The following EHD3 variants were observed in gnomAD, a reference collection of about 807,000 sequenced individuals.
EHD3 encodes the protein EH domain containing 3.
EHD3 carries 17 observed loss-of-function variants against 43.0 expected under a neutral mutation model. The ratio of observed to expected loss-of-function variants is 0.40; its 90% CI spans 0.27 to 0.59. EHD3 has a LOEUF of 0.59. Among genes scored for constraint, EHD3 ranks in the 20% least tolerant of loss-of-function variants. The pLI is 0.49. For missense variants in EHD3, 594 were observed against 705.6 expected (o/e 0.84, Z 1.79); for synonymous variants, 313 against 289.5 (o/e 1.08, Z -0.82).
chr2:31,255,783 C>A (rs1572469468), intron 3 of EHD3, among the ~76,000 whole-genome samples: 1 of 152,180 alleles, frequency 6.6e-6, no homozygotes, highest in African/African-American at 2.4e-5. Flanking sequence ...AATTGGATAG[C>A]AGCTTTCCAG....
At position 31,249,488 on chromosome 2, in the gene EHD3, G is replaced by A. The variant is rs767384919; in HGVS notation, c.502+20G>A. ...GCCGGGGTAAGCAACCTGCCTGAGGGGTGTTGGCTGTGGGCTCCATGGTTC... is the reference window on the plus strand; with the variant it reads ...GCCGGGGTAAGCAACCTGCCTGAGGAGTGTTGGCTGTGGGCTCCATGGTTC... On this transcript the variant is annotated intron_variant, in intron 3 of 5. Transcript: ENST00000322054. 2.5e-6 allele frequency: 4 copies of A among 1,611,078 alleles called. No homozygotes were observed. Among genetic ancestry groups the A allele is most frequent in the South Asian group, 1.1e-5 (1 of 90,976 alleles).
chr2:31,263,472 A>T (rs555762660), intron 5 of EHD3, among the ~76,000 whole-genome samples: 124 of 152,252 alleles, frequency 8.1e-4, no homozygotes, highest in Middle Eastern at 3.4e-3. Context: ...TAATGGGAGC[A>T]CCCACCATGC....
chr2:31,264,001 C>A (rs1683898500), intron 5 of EHD3, among the ~76,000 whole-genome samples: 1 of 152,230 alleles, frequency 6.6e-6, no homozygotes, highest in South Asian at 2.1e-4. Context: ...GGCATGCCCA[C>A]CTGCCTGCCT....
intron 5 of EHD3, among the ~76,000 whole-genome samples, 193 bp downstream of exon 5, chr2:31,261,906 G>A (rs1683866814): frequency 6.6e-6 from 1 of 152,210 alleles, no homozygotes; most frequent in African/African-American, 2.4e-5. Flanking sequence ...GTCTGGGCCT[G>A]GGGAGAAACA....
At chr2:31,259,014 C>G (rs1683800898) in intron 3 of EHD3, among the ~76,000 whole-genome samples, 1 of 152,214 alleles carries the variant, frequency 6.6e-6, no homozygotes, top group Non-Finnish European at 1.5e-5. Flanking sequence ...TGCCTGGTCT[C>G]TAGCCTCCCT....
In EHD3 at chr2:31,245,560, T is replaced by A. The variant is rs1327130848; in HGVS notation, c.404+1110T>A. ...ATATATATATATATATATATTTTTT[T>A]TTTTTTTTTTTTTTTGATGAGATGG... On this transcript the variant is annotated intron_variant, in intron 2 of 5. Transcript: ENST00000322054. 3.9e-3 allele frequency among the ~76,000 whole-genome samples: 459 copies of A among 116,356 alleles called. 1 individual carries two copies. The highest frequency in any genetic ancestry group is 0.015 in the African/African-American group (397 of 26,772). The allele number at this position is 116,356 out of a possible 152,430, so 76.3% of individuals were successfully genotyped here. A position where few individuals can be genotyped will look rare whatever the true frequency, so the allele number is the denominator to read the frequency against.
chr2:31,255,026 CTGAT>C (rs1416529035), intron 3 of EHD3, among the ~76,000 whole-genome samples: 1 of 152,222 alleles, frequency 6.6e-6, no homozygotes, highest in Non-Finnish European at 1.5e-5. Context: ...CTGTGTTTGT[CTGAT>C]TGATTTCCTC....
rs916109254 is a variant in EHD3, at chr2:31,267,115, C to CT, written c.*416dup. On this transcript the variant is annotated 3_prime_UTR_variant, in exon 6 of 6. Transcript: ENST00000322054. ...TTTTCATTTAGTAGACAATTCACTT[C>CT]TTTTTCTGTGCTTCCCCTATCTGCT... 2 of 166,258 alleles carry CT rather than the reference C, an allele frequency of 1.2e-5. No individual in the cohort carries two copies. The highest frequency in any genetic ancestry group is 1.2e-4 in the Admixed American group (2 of 16,502). The allele number at this position is 166,258 out of a possible 1,614,324, so 10.3% of individuals were successfully genotyped here.
At chr2:31,241,271 G>C (rs1264249927) in intron 1 of EHD3, among the ~76,000 whole-genome samples, 1 of 152,154 alleles carries the variant, frequency 6.6e-6, no homozygotes, top group African/African-American at 2.4e-5. Flanking sequence ...CTAAAAGGGA[G>C]CTCAACCCTT....
chr2:31,246,173 T>C (rs555043570), intron 2 of EHD3, among the ~76,000 whole-genome samples: 2 of 151,804 alleles, frequency 1.3e-5, no homozygotes, highest in African/African-American at 4.8e-5. Flanking sequence ...TAAGGTGCAG[T>C]GGGGCAGGTG....
At chr2:31,254,277 T>G (rs2148720658) in intron 3 of EHD3, among the ~76,000 whole-genome samples, 1 of 152,218 alleles carries the variant, frequency 6.6e-6, no homozygotes, top group East Asian at 1.9e-4. Flanking sequence ...TCTTTAGGGC[T>G]CAGACCTTGG....
At chr2:31,258,891 G>C (rs944978917) in intron 3 of EHD3, among the ~76,000 whole-genome samples, 7 of 139,404 alleles carry the variant, frequency 5.0e-5, no homozygotes, top group African/African-American at 1.8e-4. Context: ...CCAACCATCT[G>C]GGTTTTAAGA....
chr2:31,234,513 G>A lies in EHD3; in HGVS notation c.-109G>A. The A allele has an allele frequency of 7.7e-7, 1 of 1,305,624 alleles. No individual in the cohort carries two copies. Among genetic ancestry groups the A allele is most frequent in the Non-Finnish European group, 1.1e-6 (1 of 944,536 alleles). 80.9% of individuals were successfully genotyped at this position (1,305,624 alleles called of 1,614,324 possible). The stretch of plus-strand genomic sequence containing the variant: ...TGGTGCGGCTGAGCCCCGCGCTTGG[G>A]TGAGGCGGCGGCGCGGCTCGGAGCC... On this transcript the variant is annotated 5_prime_UTR_variant, in exon 1 of 6. The change creates a new upstream start codon in the 5' untranslated region. Coordinates refer to ENST00000322054, the MANE Select transcript of EHD3 (RefSeq NM_014600.3).
In EHD3 at chr2:31,244,300, G is replaced by A. The variant is rs1683478601; in HGVS notation, c.254G>A (p.Gly85Asp). Residue 85 changes from glycine to aspartate, a missense_variant, in exon 2 of 6, where the codon GGC (glycine) becomes GAC (aspartate). Gly to Asp is a moderately conservative substitution (Grantham distance 94, BLOSUM62 -1). Coordinates refer to ENST00000322054, the MANE Select transcript of EHD3 (RefSeq NM_014600.3). ...TACCTGCTGGAACAGGACTTCCCAG[G>A]CATGAGGATTGGGCCTGAGCCCACC... ...IRYLLEQDFP[G>D]MRIGPEPTTD... 3 of 1,614,006 alleles carry A rather than the reference G, an allele frequency of 1.9e-6. No individual in the cohort carries two copies. Among genetic ancestry groups the A allele is most frequent in the Non-Finnish European group, 2.5e-6 (3 of 1,179,924 alleles).
At chr2:31,243,746 GC>G (rs1425081633) in intron 1 of EHD3, among the ~76,000 whole-genome samples, 3 of 151,948 alleles carry the variant, frequency 2.0e-5, no homozygotes, top group Non-Finnish European at 4.4e-5. Flanking sequence ...GAGCCACCGC[GC>G]CTGGCCAGAG....
chr2:31,261,739 C>A, intron 5 of EHD3, 26 bp downstream of exon 5: 1 of 1,611,350 alleles, frequency 6.2e-7, no homozygotes. Context: ...GTCTCTAAGA[C>A]AAGGGACAGT....
chr2:31,261,024 T>C (rs13028669), intron 4 of EHD3, 102 bp downstream of exon 4: 904,170 of 1,339,270 alleles, frequency 0.68, 306,949 homozygotes, highest in East Asian at 0.8. Context: ...CAGTGCATCA[T>C]GTGTGTGACA....
chr2:31,238,548 CGGCTGCCCTCTCCAACACA>C (rs1683362808), intron 1 of EHD3, among the ~76,000 whole-genome samples: 1 of 152,230 alleles, frequency 6.6e-6, no homozygotes, highest in Admixed American at 6.5e-5. Flanking sequence ...ATTGGCTTGG[CGGCTGCCCTCTCCAACACA>C]GGCTGCCTCT....
chr2:31,237,551 C>T (rs1001584368), intron 1 of EHD3, among the ~76,000 whole-genome samples: 1 of 152,014 alleles, frequency 6.6e-6, no homozygotes, highest in Non-Finnish European at 1.5e-5. Context: ...GTTACGGGCA[C>T]CCGCCAACAC....
Sources: gnomAD v4.1 joint callset for allele counts (sites outside exome capture counted in the v4.1 genomes callset) on GRCh38, gnomAD v4.1.1 for gene constraint, MANE v1.5 for transcripts, NCBI Gene and HGNC (gene_info 2026-07-23, HGNC 2026-07-21) for gene names.